The following TTN variants were observed in gnomAD, a reference collection of about 807,000 sequenced individuals.
The protein encoded by TTN is titin.
A neutral mutation model predicts 3,223.0 loss-of-function variants in TTN; 1,525 were observed. That is an observed-to-expected ratio of 0.47 (90% confidence interval 0.45 to 0.49). The LOEUF (loss-of-function observed/expected upper bound fraction) is 0.49. Among genes scored for constraint, TTN ranks in the 20% least tolerant of loss-of-function variants. The pLI, the probability that TTN is intolerant of heterozygous loss-of-function variation, is 0.00. For missense variants in TTN, 40,786 were observed against 43,424.0 expected, an observed-to-expected ratio of 0.94 and a Z score of 5.40; for synonymous variants, 14,094 against 15,161.0, an observed-to-expected ratio of 0.93 and a Z score of 5.17.
chr2:178,712,003 A>G lies in TTN; in HGVS notation c.27827T>C (p.Ile9276Thr). Residue 9276 changes from isoleucine to threonine, a missense_variant, in exon 96 of 363, where the codon ATC (isoleucine) becomes ACC (threonine). Coordinates refer to ENST00000589042, the MANE Select transcript of TTN (RefSeq NM_001267550.2). The part of the protein sequence containing the change: ...QVDINDSGEY[I>T]CKAENSVGEV... ...TCCCACGCTGTTTTCAGCTTTGCAGATATATTCTCCACTATCATTAATATC... is the reference window on the plus strand; with the variant it reads ...TCCCACGCTGTTTTCAGCTTTGCAGGTATATTCTCCACTATCATTAATATC... 1 of 1,613,544 alleles carries G rather than the reference A, an allele frequency of 6.2e-7. No homozygotes were observed. Among genetic ancestry groups the G allele is most frequent in the Non-Finnish European group, 8.5e-7 (1 of 1,179,612 alleles).
rs772955222 is a variant in TTN, at chr2:178,700,351, G to T, written c.30682+769C>A. Among the ~76,000 whole-genome samples, 7 of 152,214 alleles carry T rather than the reference G, an allele frequency of 4.6e-5. 1 individual carries two copies. Among genetic ancestry groups the T allele is most frequent in the Non-Finnish European group, 8.8e-5 (6 of 68,046 alleles). On this transcript the variant is annotated intron_variant, in intron 111 of 362. Coordinates refer to ENST00000589042, the MANE Select transcript of TTN (RefSeq NM_001267550.2). ...AAGCGTTTAATGCCAATTATAGCGG[G>T]TGTTAAGGGCCTACCATTTCCACCC...
Position 178,609,259 on chromosome 2 carries a change from C to T in TTN, c.52051G>A (p.Val17351Ile), listed in dbSNP as rs765525785. 6.5e-7 allele frequency: 1 copy of T among 1,540,480 alleles called. No individual in the cohort carries two copies. The highest frequency in any genetic ancestry group is 2.1e-5 in the Admixed American group (1 of 48,046). The change falls in exon 273 of 363, where the codon GTT becomes ATT. Residue 17351 changes from valine to isoleucine, a missense_variant. Val to Ile is a conservative substitution (Grantham distance 29). Coordinates refer to ENST00000589042, the MANE Select transcript of TTN (RefSeq NM_001267550.2). Reference protein sequence around the residue: ...RPDHGLYMIKVENDHGIAKAP... With the variant: ...RPDHGLYMIKIENDHGIAKAP... ...TTTGCAATACCGTGGTCATTTTCAA[C>T]TTTGATCATATACAGACCATGGTCA...
At chr2:178,578,263 T>C in intron 321 of TTN, 78 bp from the exon 322 acceptor site, 1 of 1,234,048 alleles carries the variant, frequency 8.1e-7, no homozygotes. Context: ...AAATTATTTA[T>C]ACATATCCAT....
chr2:178,629,624 A>G (rs1284857045), intron 239 of TTN, among the ~76,000 whole-genome samples, 181 bp from the exon 240 acceptor site: 1 of 152,154 alleles, frequency 6.6e-6, no homozygotes, highest in African/African-American at 2.4e-5. Flanking sequence ...TGGTAGCCAG[A>G]GAGCGAGTAT....
Position 178,720,496 on chromosome 2 carries a change from C to A in TTN, c.23266G>T (p.Asp7756Tyr), listed in dbSNP as rs534249494. ...AGATTAAGGATATGAAGACTTGTAT[C>A]AAAATGTTTTGAAGTGATTTTAAAT... ...KKFKITSKHF[D>Y]TSLHILNLEA... is the part of the protein sequence containing the mutation. The change falls in exon 80 of 363, where the codon GAT becomes TAT. Residue 7756 changes from aspartate to tyrosine, a missense_variant. Asp to Tyr is a radical substitution (Grantham distance 160, BLOSUM62 -3). Transcript: ENST00000589042. 3.1e-6 allele frequency: 5 copies of A among 1,613,660 alleles called. No homozygotes were observed. Among genetic ancestry groups the A allele is most frequent in the Non-Finnish European group, 1.7e-6 (2 of 1,179,672 alleles).
Position 178,567,433 on chromosome 2 carries a change from T to C in TTN, c.78699A>G (p.Glu26233=). The change falls in exon 326 of 363, where the codon GAA becomes GAG. Residue 26233 remains glutamate, a synonymous_variant. Coordinates refer to ENST00000589042, the MANE Select transcript of TTN (RefSeq NM_001267550.2). ...PTIEWLRGDK[E]IEESARCEIK... ...TTTCACATCTAGCAGATTCTTCAAT[T>C]TCCTTATCTCCTCTTAACCACTCAA... is the stretch of plus-strand genomic sequence containing the variant. 6.2e-7 allele frequency: 1 copy of C among 1,609,280 alleles called. No individual in the cohort carries two copies. The highest frequency in any genetic ancestry group is 8.5e-7 in the Non-Finnish European group (1 of 1,178,002).
At chr2:178,606,907 C>CTCTT in intron 278 of TTN, 114 bp downstream of exon 278, 1 of 1,183,982 alleles carries the variant, frequency 8.4e-7, no homozygotes, top group East Asian at 2.6e-5. Flanking sequence ...TTTCTTATTA[C>CTCTT]TCTTTAGCTA....
At position 178,574,453 on chromosome 2, in the gene TTN, A is replaced by G. The variant is rs777818650; in HGVS notation, c.71679T>C (p.Asp23893=). 2.5e-6 allele frequency: 4 copies of G among 1,613,610 alleles called. No individual in the cohort carries two copies. The highest frequency in any genetic ancestry group is 1.1e-5 in the South Asian group (1 of 91,062). ...GNIFKSSGLT[D]GIAYEFRVIA... ...TCACCCGGAACTCATAAGCAATACC[A>G]TCTGTAAGTCCACTTGATTTGAAAA... The change falls in exon 326 of 363, where the codon GAT becomes GAC. Residue 23893 remains aspartate (D), a synonymous_variant. Coordinates refer to ENST00000589042, the MANE Select transcript of TTN (RefSeq NM_001267550.2).
At position 178,670,224 on chromosome 2, in the gene TTN, T is replaced by A. The variant is rs751454643; in HGVS notation, c.35380A>T (p.Thr11794Ser). Residue 11794 changes from threonine to serine, a missense_variant, in exon 157 of 363, where the codon ACT becomes TCT. Thr to Ser is a moderately conservative substitution (Grantham distance 58, BLOSUM62 1). Coordinates refer to ENST00000589042, the MANE Select transcript of TTN (RefSeq NM_001267550.2). ...AATGAGAAAAGCCAGTTACCTTTAG[T>A]TGGTGGAACTCTGGGCTCTTCAGGA... ...RVPEEPRVPP[T>S]KAPEVPKKIV... 5 of 1,470,840 alleles carry A rather than the reference T, an allele frequency of 3.4e-6. No homozygotes were observed. Among genetic ancestry groups the A allele is most frequent in the Admixed American group, 2.5e-5 (1 of 40,156 alleles). The allele number at this position is 1,470,840 out of a possible 1,614,324, so 91.1% of individuals were successfully genotyped here.
At chr2:178,683,098 C>A (rs2069874512) in intron 134 of TTN, 113 bp downstream of exon 134, 7 of 965,302 alleles carry the variant, frequency 7.3e-6, no homozygotes, top group South Asian at 7.0e-5. Context: ...ATGTTATATA[C>A]CCTGCCCTTA....
chr2:178,790,570 G>T, intron 11 of TTN, 138 bp downstream of exon 11: 1 of 1,380,562 alleles, frequency 7.2e-7, no homozygotes, highest in Non-Finnish European at 1.0e-6. Context: ...GTAGCTGTGT[G>T]GGAAAAGAAA....
Position 178,554,903 on chromosome 2 carries a change from A to G in TTN, c.88556T>C (p.Met29519Thr), listed in dbSNP as rs1019759612. 3.1e-6 allele frequency: 5 copies of G among 1,613,780 alleles called. No individual in the cohort carries two copies. The highest frequency in any genetic ancestry group is 2.2e-5 in the East Asian group (1 of 44,858). ...GCYELKLRNA[M>T]GSASATIRVQ... ...TCTGATGGTGGCTGAGGCTGAGCCC[A>G]TGGCATTCCTTAGTTTTAATTCATA... Residue 29519 changes from methionine to threonine, a missense_variant, in exon 331 of 363, where the codon ATG (methionine) becomes ACG (threonine). Transcript: ENST00000589042.
In TTN at chr2:178,751,859, T is replaced by C. The variant is rs2085624248; in HGVS notation, c.11311+1265A>G. The C allele has an allele frequency of 1.9e-6, 3 of 1,609,184 alleles. No homozygotes were observed. In the African/African-American group the frequency reaches 4.0e-5, roughly 22 times the overall value. The stretch of plus-strand genomic sequence containing the variant: ...AACAACCGGTTCACCCTCTAAAACA[T>C]ATTTAAATGTAAGTTTCTGGGTAAA... On this transcript the variant is annotated intron_variant, in intron 47 of 362. Coordinates refer to ENST00000589042, the MANE Select transcript of TTN (RefSeq NM_001267550.2).
Position 178,724,362 on chromosome 2 carries a change from A to G in TTN, c.21013T>C (p.Leu7005=), listed in dbSNP as rs774841915. The G allele has an allele frequency of 3.7e-6, 6 of 1,613,586 alleles. No homozygotes were observed. The Admixed American group carries it at 1.0e-4, about 27-fold the overall frequency. The change falls in exon 72 of 363, where the codon TTA becomes CTA. Residue 7005 remains leucine, a synonymous_variant. Transcript: ENST00000589042. ...TGCCTTTCAACTGAGAGAATCCTTAAGGAAGAGATTTTGTTGTAGAAGCTA... is the reference window on the plus strand; with the variant it reads ...TGCCTTTCAACTGAGAGAATCCTTAGGGAAGAGATTTTGTTGTAGAAGCTA... ...KFSFYNKISS[L]RILSVERQDA...
intron 206 of TTN, 41 bp from the exon 207 acceptor site, chr2:178,651,577 A>G (rs2062972444): frequency 1.9e-6 from 3 of 1,611,068 alleles, no homozygotes; most frequent in Non-Finnish European, 2.5e-6. Flanking sequence ...CATGGTTTCA[A>G]TGAAATGTGA....
intron 112 of TTN, 22 bp downstream of exon 112, chr2:178,698,821 G>A (rs1394937498): frequency 1.8e-5 from 28 of 1,533,284 alleles, no homozygotes; most frequent in Non-Finnish European, 2.3e-5. Flanking sequence ...TGTTAAGACT[G>A]CTTTTTGATT....
At position 178,646,507 on chromosome 2, in the gene TTN, C is replaced by T. The variant is rs1420225912; in HGVS notation, c.40275G>A (p.Gln13425=). 6.5e-7 allele frequency: 1 copy of T among 1,547,706 alleles called. No homozygotes were observed. ...IKPEEPEPEP[Q]PEEIPVKEPE... ...TACCTTTTACTGGTATTTCTTCAGGCTGTGGTTCAGGTTCGGGCTCTTCAG... is the reference window on the plus strand; with the variant it reads ...TACCTTTTACTGGTATTTCTTCAGGTTGTGGTTCAGGTTCGGGCTCTTCAG... Residue 13425 remains glutamine (Q), a synonymous_variant, in exon 216 of 363, where the codon CAG becomes CAA. Coordinates refer to ENST00000589042, the MANE Select transcript of TTN (RefSeq NM_001267550.2).
rs1036256136 is a variant in TTN, at chr2:178,731,958, A to G, written c.16917T>C (p.Phe5639=). 6.2e-7 allele frequency: 1 copy of G among 1,606,686 alleles called. No homozygotes were observed. Among genetic ancestry groups the G allele is most frequent in the African/African-American group, 1.3e-5 (1 of 74,734 alleles). Residue 5639 remains phenylalanine (F), a synonymous_variant, in exon 58 of 363, where the codon TTT becomes TTC. Coordinates refer to ENST00000589042, the MANE Select transcript of TTN (RefSeq NM_001267550.2). ...CTTCAATTGGCTTAAATTCCTTGGTAAAATAAGGTGACTCTACAGTAAAAA... is the reference window on the plus strand; with the variant it reads ...CTTCAATTGGCTTAAATTCCTTGGTGAAATAAGGTGACTCTACAGTAAAAA... ...SIVIVKESPY[F]TKEFKPIEVL...
At chr2:178,637,272 A>G in intron 224 of TTN, 97 bp downstream of exon 224, 4 of 715,754 alleles carry the variant, frequency 5.6e-6, no homozygotes, top group Non-Finnish European at 8.4e-6. Flanking sequence ...AAAAATAAAA[A>G]TTGTTATGAA....
Sources: gnomAD v4.1 joint callset for allele counts (sites outside exome capture counted in the v4.1 genomes callset) on GRCh38, gnomAD v4.1.1 for gene constraint, MANE v1.5 for transcripts, NCBI Gene and HGNC (gene_info 2026-07-23, HGNC 2026-07-21) for gene names.